Variants in ACVR2A observed in about 807,000 individuals in gnomAD.
The protein encoded by ACVR2A is activin receptor type-2A.
ACVR2A carries 7 observed loss-of-function variants against 61.4 expected under a neutral mutation model. The observed-to-expected ratio is 0.11, with a 90% CI of 0.06 to 0.21. The LOEUF (loss-of-function observed/expected upper bound fraction) is 0.21. Ranked by LOEUF, ACVR2A falls within the 10% of genes least tolerant of loss-of-function variation. The pLI, the probability that ACVR2A is intolerant of heterozygous loss-of-function variation, is 1.00. For missense variants in ACVR2A, 322 were observed against 621.7 expected (o/e 0.52, Z 5.13); for synonymous variants, 193 against 208.3 (o/e 0.93, Z 0.63).
At chr2:147,856,232 C>T (rs772087837) in intron 1 of ACVR2A, among the ~76,000 whole-genome samples, 52 of 152,114 alleles carry the variant, frequency 3.4e-4, no homozygotes, top group Admixed American at 7.2e-4. Context: ...TTTATTATGG[C>T]AGAAGTTCAG....
At chr2:147,867,447 A>G (rs1685890835) in intron 1 of ACVR2A, among the ~76,000 whole-genome samples, 1 of 152,060 alleles carries the variant, frequency 6.6e-6, no homozygotes, top group Non-Finnish European at 1.5e-5. Flanking sequence ...AATCCAAGCA[A>G]TTACTAAGTT....
At chr2:147,916,062 T>A (rs1441116614) in intron 5 of ACVR2A, among the ~76,000 whole-genome samples, 1 of 151,910 alleles carries the variant, frequency 6.6e-6, no homozygotes, top group Admixed American at 6.6e-5. Flanking sequence ...AGAGAGTGGA[T>A]GTTTCTTTTT....
intron 1 of ACVR2A, among the ~76,000 whole-genome samples, chr2:147,874,345 C>G (rs1419638602): frequency 1.3e-5 from 2 of 151,858 alleles, no homozygotes; most frequent in African/African-American, 4.8e-5. Flanking sequence ...GCAACTTTGA[C>G]TAGTATGACA....
At chr2:147,882,784 A>G (rs1686338496) in intron 1 of ACVR2A, among the ~76,000 whole-genome samples, 2 of 151,032 alleles carry the variant, frequency 1.3e-5, no homozygotes, top group Admixed American at 1.3e-4. Flanking sequence ...GACTGATAGT[A>G]AGTACTAAGT....
intron 1 of ACVR2A, among the ~76,000 whole-genome samples, chr2:147,887,628 ATATT>A (rs1344381392): frequency 1.3e-5 from 2 of 152,190 alleles, no homozygotes; most frequent in Non-Finnish European, 1.5e-5. Context: ...ATAATTGCAT[ATATT>A]TATTATCAAC....
intron 4 of ACVR2A, among the ~76,000 whole-genome samples, chr2:147,902,420 A>G (rs2105197384): frequency 6.6e-6 from 1 of 152,060 alleles, no homozygotes; most frequent in Non-Finnish European, 1.5e-5. Context: ...TAATTCAGTA[A>G]ACTTTTCTGC....
intron 1 of ACVR2A, among the ~76,000 whole-genome samples, chr2:147,868,503 C>T (rs1457459742): frequency 6.6e-6 from 1 of 152,046 alleles, no homozygotes; most frequent in East Asian, 1.9e-4. Context: ...GAAAATAACA[C>T]CAACTCTTGA....
At chr2:147,918,699 A>G in intron 7 of ACVR2A, 107 bp downstream of exon 7, 1 of 941,684 alleles carries the variant, frequency 1.1e-6, no homozygotes. Context: ...ATCATGCTTT[A>G]CAAGACAGTC....
intron 1 of ACVR2A, among the ~76,000 whole-genome samples, chr2:147,861,594 A>G (rs1338316169): frequency 6.6e-6 from 1 of 152,180 alleles, no homozygotes; most frequent in Non-Finnish European, 1.5e-5. Flanking sequence ...GGAAATGCTC[A>G]TTGGAGCATT....
In ACVR2A at chr2:147,930,305, A is replaced by T. The variant is rs755773884; in HGVS notation, c.*3031A>T. The T allele has an allele frequency of 4.6e-5, 7 of 151,876 alleles. No homozygotes were observed. The South Asian group carries it at 1.5e-3, about 32-fold the overall frequency. 9.4% of individuals were successfully genotyped at this position (151,876 alleles called of 1,614,324 possible). ...AAATGCAGGTGGTAGGGGAAAAAAA[A>T]CCATGGCGAGATGGTGGTTTAGTGG... is the stretch of plus-strand genomic sequence containing the variant. On this transcript the variant is annotated 3_prime_UTR_variant, in exon 11 of 11. Coordinates refer to ENST00000241416, the MANE Select transcript of ACVR2A (RefSeq NM_001616.5).
intron 1 of ACVR2A, among the ~76,000 whole-genome samples, chr2:147,862,743 CA>C (rs5835174): frequency 4.8e-4 from 68 of 142,596 alleles, no homozygotes; most frequent in African/African-American, 1.1e-3. Flanking sequence ...GACTCTGTCT[CA>C]AAAAAAAAAA....
chr2:147,900,494 A>G (rs1686845172), intron 4 of ACVR2A: 1 of 152,084 alleles, frequency 6.6e-6, no homozygotes, highest in Non-Finnish European at 1.5e-5. Context: ...ACTGAAGACT[A>G]AACACTTCTT....
chr2:147,848,472 A>T (rs1685370973), intron 1 of ACVR2A, among the ~76,000 whole-genome samples: 1 of 152,118 alleles, frequency 6.6e-6, no homozygotes, highest in African/African-American at 2.4e-5. Flanking sequence ...GATGCTTCTA[A>T]TCGTCCTAAA....
At position 147,869,917 on chromosome 2, in the gene ACVR2A, AGTATGTTTGCAGT is replaced by A. The variant is rs1471124849; in HGVS notation, c.55+24714_55+24726del. On this transcript the variant is annotated intron_variant, in intron 1 of 10. Coordinates refer to ENST00000241416, the MANE Select transcript of ACVR2A (RefSeq NM_001616.5). ...TAAGATGGGGTGGGACAGTGAGAAC[AGTATGTTTGCAGT>A]GTAGGGTTTAGAACTGGGTTGGGAG... 7.2e-5 allele frequency among the ~76,000 whole-genome samples: 11 copies of A among 152,188 alleles called. No homozygotes were observed. In the East Asian group the frequency reaches 2.1e-3, roughly 29 times the overall value.
At chr2:147,887,864 G>T (rs1686481514) in intron 1 of ACVR2A, among the ~76,000 whole-genome samples, 2 of 152,196 alleles carry the variant, frequency 1.3e-5, no homozygotes, top group South Asian at 4.1e-4. Flanking sequence ...CACTTTGGGA[G>T]AAGGAGGAGT....
chr2:147,866,025 A>T (rs1462126810), intron 1 of ACVR2A, among the ~76,000 whole-genome samples: 1 of 152,100 alleles, frequency 6.6e-6, no homozygotes, highest in Non-Finnish European at 1.5e-5. Context: ...TGGTGGTGAG[A>T]CAGCTCAGTA....
At chr2:147,917,461 T>A in intron 6 of ACVR2A, 35 bp downstream of exon 6, 1 of 1,605,112 alleles carries the variant, frequency 6.2e-7, no homozygotes, top group Non-Finnish European at 8.5e-7. Context: ...TAGTAAAGTC[T>A]GAGTTGGCCT....
At chr2:147,882,974 TTC>T (rs1686344400) in intron 1 of ACVR2A, among the ~76,000 whole-genome samples, 1 of 152,216 alleles carries the variant, frequency 6.6e-6, no homozygotes, top group South Asian at 2.1e-4. Context: ...TGAAAATTTA[TTC>T]TCTTTCTTCA....
intron 5 of ACVR2A, among the ~76,000 whole-genome samples, chr2:147,916,493 A>G (rs1687252397): frequency 6.6e-6 from 1 of 151,908 alleles, no homozygotes; most frequent in African/African-American, 2.4e-5. Flanking sequence ...GCAACATATA[A>G]TACAACAATT....
Sources: allele counts gnomAD v4.1 joint callset (sites outside exome capture counted in the v4.1 genomes callset), GRCh38; gene constraint gnomAD v4.1.1; transcripts MANE v1.5; gene names NCBI Gene and HGNC (gene_info 2026-07-23, HGNC 2026-07-21).